TSPAN9: variants seen among roughly 807,000 people sequenced by gnomAD.
The protein encoded by TSPAN9 is tetraspanin 9, also known as tetraspanin-9.
In TSPAN9, 16 loss-of-function variants were observed where a neutral mutation model predicts 31.0. The observed-to-expected ratio is 0.52, with a 90% CI of 0.35 to 0.78. TSPAN9 has a LOEUF of 0.78. TSPAN9 is among the 30% of genes least tolerant of loss of function. TSPAN9 has a pLI of 0.01. For synonymous variants in TSPAN9, 145 were observed against 121.6 expected (o/e 1.19, Z -1.27); for missense variants, 272 against 312.5 (o/e 0.87, Z 0.98).
intron 2 of TSPAN9, among the ~76,000 whole-genome samples, chr12:3,115,732 A>G (rs925480431): frequency 1.3e-5 from 2 of 152,142 alleles, no homozygotes; most frequent in Non-Finnish European, 2.9e-5. Flanking sequence ...TCACCTCCCA[A>G]AGGCCCCACC....
In TSPAN9 at chr12:3,270,361, T is replaced by C. The variant is rs886345003; in HGVS notation, c.64-8060T>C. On this transcript the variant is annotated intron_variant, in intron 3 of 8. Transcript: ENST00000011898. ...TGGGGTGTGTGGGGACAGCACATGA[T>C]AGATGCCCCCATCCCTCCCCTTCTC... 1.3e-4 allele frequency among the ~76,000 whole-genome samples: 20 copies of C among 152,176 alleles called. 1 individual carries two copies. Among genetic ancestry groups the C allele is most frequent in the Non-Finnish European group, 2.8e-4 (19 of 68,022 alleles).
intron 1 of TSPAN9, among the ~76,000 whole-genome samples, chr12:3,080,418 C>T (rs1199804349): frequency 6.6e-6 from 1 of 152,156 alleles, no homozygotes; most frequent in Non-Finnish European, 1.5e-5. Context: ...TCACTGCAAC[C>T]TCCGCCTCCC....
intron 3 of TSPAN9, among the ~76,000 whole-genome samples, chr12:3,264,082 A>G (rs1862500073): frequency 6.6e-6 from 1 of 152,198 alleles, no homozygotes; most frequent in African/African-American, 2.4e-5. Flanking sequence ...CCAGCAGAGC[A>G]CTTGGGACCG....
intron 3 of TSPAN9, among the ~76,000 whole-genome samples, chr12:3,252,069 GTCCC>G (rs1229812568): frequency 6.6e-6 from 1 of 152,104 alleles, no homozygotes; most frequent in African/African-American, 2.4e-5. Context: ...CTAGCACCTG[GTCCC>G]TGTTCTGCCC....
chr12:3,128,897 G>A (rs1342490583), intron 2 of TSPAN9, among the ~76,000 whole-genome samples: 9 of 152,092 alleles, frequency 5.9e-5, no homozygotes, highest in Non-Finnish European at 1.3e-4. Context: ...CACTGACACT[G>A]TGCACCCATT....
chr12:3,258,381 G>T (rs1862387992), intron 3 of TSPAN9, among the ~76,000 whole-genome samples: 1 of 152,168 alleles, frequency 6.6e-6, no homozygotes. Context: ...CTGGGGCCCA[G>T]AATCACCTTG....
At chr12:3,220,255 C>T (rs1391994935) in intron 3 of TSPAN9, among the ~76,000 whole-genome samples, 1 of 152,190 alleles carries the variant, frequency 6.6e-6, no homozygotes, top group Admixed American at 6.5e-5. Flanking sequence ...TGCCGTGGCC[C>T]AGGCTCTGAA....
intron 2 of TSPAN9, among the ~76,000 whole-genome samples, chr12:3,094,847 CTTTTTTTTTTTTT>C (rs61154605): frequency 2.0e-5 from 2 of 101,954 alleles, no homozygotes; most frequent in Admixed American, 9.8e-5. Flanking sequence ...AATCAATAAT[CTTTTTTTTTTTTT>C]TTTTTTTTTG....
chr12:3,193,444 A>G (rs751806397), intron 2 of TSPAN9, among the ~76,000 whole-genome samples: 3 of 152,126 alleles, frequency 2.0e-5, no homozygotes, highest in Non-Finnish European at 2.9e-5. Flanking sequence ...CTCGGCGCTA[A>G]GCTAACTGAT....
chr12:3,198,520 A>AC (rs1243181154), intron 2 of TSPAN9, among the ~76,000 whole-genome samples: 5 of 89,760 alleles, frequency 5.6e-5, no homozygotes, highest in African/African-American at 5.9e-5. Context: ...AGCACAGGTC[A>AC]CACCAGCACA....
intron 3 of TSPAN9, among the ~76,000 whole-genome samples, chr12:3,251,381 G>A (rs1862241226): frequency 1.3e-5 from 2 of 149,686 alleles, no homozygotes; most frequent in East Asian, 1.9e-4. Context: ...GGAGGGGTAG[G>A]GTTGGGGACT....
chr12:3,257,852 T>C (rs1862378468), intron 3 of TSPAN9, among the ~76,000 whole-genome samples: 1 of 152,148 alleles, frequency 6.6e-6, no homozygotes. Flanking sequence ...CTTCTGTTTC[T>C]TTTTGTGTTC....
intron 3 of TSPAN9, among the ~76,000 whole-genome samples, chr12:3,275,829 AC>A (rs35792604): frequency 1.3e-5 from 2 of 150,958 alleles, no homozygotes; most frequent in Non-Finnish European, 3.0e-5. Context: ...AATCATTCGG[AC>A]CCCCCTGCAG....
At chr12:3,214,339 G>T (rs775541887) in intron 3 of TSPAN9, among the ~76,000 whole-genome samples, 1 of 152,224 alleles carries the variant, frequency 6.6e-6, no homozygotes, top group Non-Finnish European at 1.5e-5. Flanking sequence ...AAAGGGGACT[G>T]CCTCACCTGG....
intron 3 of TSPAN9, among the ~76,000 whole-genome samples, chr12:3,257,929 C>T (rs1862380126): frequency 6.6e-6 from 1 of 152,262 alleles, no homozygotes; most frequent in South Asian, 2.1e-4. Context: ...GGCCCTTCCC[C>T]CCAGGCAGAG....
At chr12:3,081,065 A>T (rs146631077) in intron 1 of TSPAN9, among the ~76,000 whole-genome samples, 1 of 152,284 alleles carries the variant, frequency 6.6e-6, no homozygotes, top group Admixed American at 6.5e-5. Context: ...TGCTTGCAAA[A>T]TGAGGATAAC....
chr12:3,172,614 C>T lies in TSPAN9; in HGVS notation c.-17-28563C>T, dbSNP rs1213605098. 3.3e-5 allele frequency: 5 copies of T among 152,154 alleles called. No individual in the cohort carries two copies. The highest frequency in any genetic ancestry group is 7.3e-5 in the Non-Finnish European group (5 of 68,074). The allele number at this position is 152,154 out of a possible 1,614,324, so 9.4% of individuals were successfully genotyped here. A position where few individuals can be genotyped will look rare whatever the true frequency, so the allele number is the denominator to read the frequency against. ...GCCCTGCCAGCGGTGCTCACGAGGC[C>T]CACTCCTGGCCAAGAGCCACTCCTG... is the stretch of plus-strand genomic sequence containing the variant. On this transcript the variant is annotated intron_variant, in intron 2 of 8. Coordinates refer to ENST00000011898, the MANE Select transcript of TSPAN9 (RefSeq NM_006675.5). This position sits in a 1 kb window ranked among gnomAD's most constrained non-coding sequence, Gnocchi z 4.8.
In TSPAN9 at chr12:3,281,830, TC is replaced by T; in HGVS notation, c.648+17del. On this transcript the variant is annotated intron_variant, in intron 8 of 8. Transcript: ENST00000011898. ...CCTCATCATGCAGGTAAGAGGGGCG[TC>T]CCCAGCAGCCTCACCCACCCTGCTG... 6 of 1,613,284 alleles carry T rather than the reference TC, an allele frequency of 3.7e-6. No individual in the cohort carries two copies. The highest frequency in any genetic ancestry group is 5.1e-6 in the Non-Finnish European group (6 of 1,179,782).
At chr12:3,113,163 C>T (rs1302499452) in intron 2 of TSPAN9, among the ~76,000 whole-genome samples, 1 of 152,116 alleles carries the variant, frequency 6.6e-6, no homozygotes, top group East Asian at 1.9e-4. Context: ...AATGTAAGAG[C>T]CCATCAAGGG....
Sources: gnomAD v4.1 joint callset for allele counts (sites outside exome capture counted in the v4.1 genomes callset) on GRCh38, gnomAD v4.1.1 for gene constraint, Gnocchi (gnomAD v3.1) non-coding constraint, MANE v1.5 for transcripts, NCBI Gene and HGNC (gene_info 2026-07-23, HGNC 2026-07-21) for gene names.